ARB2A: variants seen among roughly 807,000 people sequenced by gnomAD.
ARB2A encodes the protein cotranscriptional regulator ARB2A.
At chr5:93,735,344 T>C in the ARB2A span, 1 of 152,250 alleles carries the variant, frequency 6.6e-6, no homozygotes, top group Admixed American at 6.5e-5. Context: ...TAGTGACACA[T>C]AGAGGCTTTG....
At chr5:93,711,855 C>G in the ARB2A span, among the ~76,000 whole-genome samples, 23 of 152,200 alleles carry the variant, frequency 1.5e-4, no homozygotes, top group Non-Finnish European at 3.1e-4. Flanking sequence ...TCAAGTAAAG[C>G]AAATTCAGTG....
chr5:93,781,843 T>G, the ARB2A span: 1 of 977,200 alleles, frequency 1.0e-6, no homozygotes, highest in Non-Finnish European at 1.2e-6. Flanking sequence ...TTAAACATAC[T>G]TAAACATACT....
the ARB2A span, among the ~76,000 whole-genome samples, chr5:93,832,715 C>CT: frequency 3.9e-5 from 6 of 152,140 alleles, no homozygotes; most frequent in Admixed American, 3.9e-4. Flanking sequence ...TAGCTGAGGG[C>CT]TTTGTTGTGA....
the ARB2A span, among the ~76,000 whole-genome samples, chr5:93,988,238 T>C: frequency 6.6e-6 from 1 of 152,172 alleles, no homozygotes; most frequent in Non-Finnish European, 1.5e-5. Flanking sequence ...AGCAGATGTA[T>C]TACTCCTTTT....
At chr5:93,985,487 T>C in the ARB2A span, among the ~76,000 whole-genome samples, 1 of 151,190 alleles carries the variant, frequency 6.6e-6, no homozygotes, top group Non-Finnish European at 1.5e-5. Flanking sequence ...GAGGCTGGAC[T>C]GTATTGCCGC....
the ARB2A span, among the ~76,000 whole-genome samples, chr5:94,016,996 G>C: frequency 1.1e-3 from 171 of 152,294 alleles, no homozygotes; most frequent in African/African-American, 3.9e-3. Flanking sequence ...GTTTCTGCCA[G>C]TTCCCTAGCA....
At chr5:94,046,335 G>GT in the ARB2A span, among the ~76,000 whole-genome samples, 481 of 152,118 alleles carry the variant, frequency 3.2e-3, 1 homozygote, top group African/African-American at 0.011. Context: ...TACAGGGCAA[G>GT]TTCATCTAAC....
the ARB2A span, among the ~76,000 whole-genome samples, chr5:93,839,243 A>G: frequency 6.6e-6 from 1 of 152,110 alleles, no homozygotes; most frequent in African/African-American, 2.4e-5. Flanking sequence ...AGGATTTTTA[A>G]CATTAAAAAT....
At chr5:94,038,689 T>C in the ARB2A span, among the ~76,000 whole-genome samples, 2 of 151,938 alleles carry the variant, frequency 1.3e-5, no homozygotes, top group African/African-American at 2.4e-5. Flanking sequence ...CAATTCCTAC[T>C]GAATGACTGC....
At chr5:93,815,699 T>C in the ARB2A span, among the ~76,000 whole-genome samples, 1 of 152,178 alleles carries the variant, frequency 6.6e-6, no homozygotes, top group African/African-American at 2.4e-5. Flanking sequence ...GGATCCTGTT[T>C]ATTTTTTCTC....
the ARB2A span, among the ~76,000 whole-genome samples, chr5:94,022,601 A>C: frequency 6.6e-6 from 1 of 152,192 alleles, no homozygotes; most frequent in Non-Finnish European, 1.5e-5. Flanking sequence ...GGAGCAAATA[A>C]TACTATACTA....
the ARB2A span, among the ~76,000 whole-genome samples, chr5:93,824,489 A>T: frequency 2.0e-5 from 3 of 151,962 alleles, no homozygotes; most frequent in East Asian, 1.9e-4. Context: ...GATAAAAATT[A>T]AAAAAAACAC....
chr5:93,964,478 A>AATT, the ARB2A span: 1 of 1,578,566 alleles, frequency 6.3e-7, no homozygotes, highest in Non-Finnish European at 8.6e-7. Context: ...ACTTTTTTCA[A>AATT]ATTACAATCC....
At chr5:93,964,232 C>T in the ARB2A span, among the ~76,000 whole-genome samples, 3 of 151,816 alleles carry the variant, frequency 2.0e-5, no homozygotes, top group Non-Finnish European at 4.4e-5. Context: ...GACTAGAAAT[C>T]GGTTTTTACT....
the ARB2A span, among the ~76,000 whole-genome samples, chr5:93,842,408 C>T: frequency 1.3e-5 from 2 of 152,148 alleles, no homozygotes; most frequent in African/African-American, 4.8e-5. Context: ...TTTGTTGATC[C>T]TTTCTCTAAA....
At chr5:93,950,997 A>T in the ARB2A span, among the ~76,000 whole-genome samples, 1 of 151,712 alleles carries the variant, frequency 6.6e-6, no homozygotes, top group South Asian at 2.1e-4. Flanking sequence ...AATAGTATAT[A>T]AATAAAATAA....
the ARB2A span, among the ~76,000 whole-genome samples, chr5:94,078,048 T>C: frequency 6.6e-6 from 1 of 152,226 alleles, no homozygotes; most frequent in African/African-American, 2.4e-5. Flanking sequence ...GCACAAAATG[T>C]GGCATATGCA....
the ARB2A span, among the ~76,000 whole-genome samples, chr5:93,966,137 A>G: frequency 2.0e-5 from 3 of 152,196 alleles, no homozygotes; most frequent in South Asian, 6.2e-4. Flanking sequence ...AAAGTTATAT[A>G]TTATGACCTG....
chr5:94,057,534 G>GT, the ARB2A span, among the ~76,000 whole-genome samples: 2 of 152,112 alleles, frequency 1.3e-5, no homozygotes, highest in Non-Finnish European at 2.9e-5. Context: ...AGTTAAAATG[G>GT]TAAGTTTTAC....
Sources: allele counts gnomAD v4.1 joint callset (sites outside exome capture counted in the v4.1 genomes callset), GRCh38; gene constraint gnomAD v4.1.1; transcripts MANE v1.5; gene names NCBI Gene and HGNC (gene_info 2026-07-23, HGNC 2026-07-21).